Variants in CACHD1 observed in about 807,000 individuals in gnomAD.
The protein encoded by CACHD1 is VWFA and cache domain-containing protein 1.
A neutral mutation model predicts 138.7 loss-of-function variants in CACHD1; 71 were observed. That is an observed-to-expected ratio of 0.51 (90% CI 0.42 to 0.62). The LOEUF (loss-of-function observed/expected upper bound fraction) is 0.62. Ranked by LOEUF, CACHD1 falls within the 20% of genes least tolerant of loss-of-function variation. The pLI is 0.00. For synonymous variants in CACHD1, 578 were observed against 591.5 expected (o/e 0.98, Z 0.33); for missense variants, 1,389 against 1,625.3 (o/e 0.85, Z 2.50).
intron 1 of CACHD1, among the ~76,000 whole-genome samples, chr1:64,488,943 A>G (rs1045032900): frequency 2.6e-5 from 4 of 152,166 alleles, no homozygotes; most frequent in African/African-American, 7.2e-5. Context: ...TGAACATTCT[A>G]CTGGGGGATT....
intron 5 of CACHD1, among the ~76,000 whole-genome samples, 155 bp from the exon 6 acceptor site, chr1:64,632,444 G>A (rs1176419042): frequency 1.3e-5 from 2 of 152,042 alleles, no homozygotes; most frequent in African/African-American, 4.8e-5. Context: ...GCACCAATAT[G>A]GTTTCTCCTT....
chr1:64,489,810 TGG>T (rs1646263675), intron 1 of CACHD1, among the ~76,000 whole-genome samples: 1 of 152,184 alleles, frequency 6.6e-6, no homozygotes, highest in South Asian at 2.1e-4. Flanking sequence ...GGAAGAGTCC[TGG>T]GTGTGTGGGG....
intron 17 of CACHD1, among the ~76,000 whole-genome samples, 190 bp from the exon 18 acceptor site, chr1:64,672,968 C>T (rs570535515): frequency 4.6e-5 from 7 of 152,162 alleles, no homozygotes; most frequent in South Asian, 2.1e-4. Context: ...CTAGGTGACC[C>T]GCAACCTCAA....
At position 64,477,589 on chromosome 1, in the gene CACHD1, T is replaced by TTATTAC. The variant is rs1362174520; in HGVS notation, c.198+6652_198+6653insCTATTA. 2.5e-3 allele frequency among the ~76,000 whole-genome samples: 331 copies of TTATTAC among 131,068 alleles called. 1 individual carries two copies. The highest frequency in any genetic ancestry group is 8.7e-3 in the African/African-American group (293 of 33,492). 86.0% of individuals were successfully genotyped at this position (131,068 alleles called of 152,430 possible). A position where few individuals can be genotyped will look rare whatever the true frequency, so the allele number is the denominator to read the frequency against. ...TCCACTTGCTCTTCCCCCCAGATTA[T>TTATTAC]TATTATTATTATTATTATTATTATT... On this transcript the variant is annotated intron_variant, in intron 1 of 26. Transcript: ENST00000651257.
intron 1 of CACHD1, among the ~76,000 whole-genome samples, chr1:64,530,932 T>G (rs33953467): frequency 2.4e-5 from 2 of 82,728 alleles, no homozygotes; most frequent in African/African-American, 5.5e-5. Context: ...TGTTTTTTTT[T>G]GTTTTTTTTT....
intron 3 of CACHD1, among the ~76,000 whole-genome samples, chr1:64,584,429 T>C (rs527456213): frequency 1.3e-5 from 2 of 152,286 alleles, no homozygotes; most frequent in East Asian, 1.9e-4. Flanking sequence ...GAAACTTGAA[T>C]TGGCTGGCTG....
In CACHD1 at chr1:64,602,881, G is replaced by A. The variant is rs751042895; in HGVS notation, c.486G>A (p.Arg162=). ...GACTTTCTACTACTGTTAATAGCCG[G>A]GCCTTCAATCCAGGACGAGACTTAA... The part of the protein sequence containing the change: ...CDRLSTTVNS[R]AFNPGRDLNS... Residue 162 remains arginine (R), a synonymous_variant, in exon 4 of 27, where the codon CGG becomes CGA. Coordinates refer to ENST00000651257, the MANE Select transcript of CACHD1 (RefSeq NM_020925.4). The A allele has an allele frequency of 6.2e-7, 1 of 1,613,114 alleles. No homozygotes were observed. Among genetic ancestry groups the A allele is most frequent in the South Asian group, 1.1e-5 (1 of 91,014 alleles).
intron 1 of CACHD1, among the ~76,000 whole-genome samples, chr1:64,533,428 G>A (rs1052538916): frequency 1.3e-5 from 2 of 152,108 alleles, no homozygotes; most frequent in Non-Finnish European, 2.9e-5. Flanking sequence ...CAAATACTTG[G>A]GTAACTAGGA....
chr1:64,596,071 C>T (rs1197221916), intron 3 of CACHD1, among the ~76,000 whole-genome samples: 1 of 152,124 alleles, frequency 6.6e-6, no homozygotes, highest in Non-Finnish European at 1.5e-5. Flanking sequence ...TTTTGGTTGG[C>T]CCATCTATTT....
rs1454867780 is a variant in CACHD1 at position 64,681,928 on chromosome 1, C to T, written c.3485-77C>T. ...GAATTCTCCCAGCATGTAAATGAGC[C>T]CTCTCAGAGCAAATGTGTTTGAAAC... On this transcript the variant is annotated intron_variant, in intron 25 of 26. Transcript: ENST00000651257. 4 of 1,216,638 alleles carry T rather than the reference C, an allele frequency of 3.3e-6. No homozygotes were observed. The East Asian group carries it at 7.0e-5, about 21-fold the overall frequency. 75.4% of individuals were successfully genotyped at this position (1,216,638 alleles called of 1,614,324 possible).
At chr1:64,681,446 C>T (rs186098099) in intron 25 of CACHD1, 111 bp downstream of exon 25, 25 of 751,172 alleles carry the variant, frequency 3.3e-5, no homozygotes, top group East Asian at 2.9e-4. Context: ...AGCTTTGACA[C>T]GGTGGCTGGG....
At chr1:64,628,869 G>T (rs1648205307) in intron 4 of CACHD1, among the ~76,000 whole-genome samples, 1 of 152,134 alleles carries the variant, frequency 6.6e-6, no homozygotes, top group South Asian at 2.1e-4. Flanking sequence ...GAATGATTAT[G>T]GCCTGTCTTT....
chr1:64,509,196 T>C (rs1439480331), intron 1 of CACHD1, among the ~76,000 whole-genome samples: 1 of 152,206 alleles, frequency 6.6e-6, no homozygotes. Flanking sequence ...TGCTCATCTC[T>C]TTGAACTGTC....
At chr1:64,557,862 G>C (rs554619935) in intron 2 of CACHD1, among the ~76,000 whole-genome samples, 1 of 151,908 alleles carries the variant, frequency 6.6e-6, no homozygotes, top group African/African-American at 2.4e-5. Context: ...GCAATGCAGC[G>C]ATCTCGGCTA....
At chr1:64,556,883 G>A (rs1646802367) in intron 2 of CACHD1, among the ~76,000 whole-genome samples, 1 of 151,992 alleles carries the variant, frequency 6.6e-6, no homozygotes, top group Non-Finnish European at 1.5e-5. Context: ...TAAGAAATTG[G>A]CAAGGCGGGT....
At chr1:64,537,745 T>C (rs1405395392) in intron 1 of CACHD1, among the ~76,000 whole-genome samples, 1 of 152,208 alleles carries the variant, frequency 6.6e-6, no homozygotes, top group East Asian at 1.9e-4. Flanking sequence ...AGTTACTATT[T>C]ATTGAGCTCT....
At chr1:64,566,484 C>CCCA (rs1553133835) in intron 2 of CACHD1, among the ~76,000 whole-genome samples, 5 of 141,888 alleles carry the variant, frequency 3.5e-5, no homozygotes, top group Non-Finnish European at 8.1e-5. Flanking sequence ...TCAATTCCCC[C>CCCA]CCCCCCACAA....
intron 1 of CACHD1, among the ~76,000 whole-genome samples, chr1:64,498,395 T>A (rs1215270192): frequency 6.6e-6 from 1 of 152,250 alleles, no homozygotes; most frequent in Non-Finnish European, 1.5e-5. Context: ...AGTTTAAAAC[T>A]GTATTTGATT....
At position 64,470,305 on chromosome 1, in the gene CACHD1, G is replaced by T. The variant is rs866411794; in HGVS notation, c.-440G>T. ...CCGCCGCTCCTCTTCCCCGGGGGCC[G>T]CCGTCAGTCCTCGCCGCCGCCTGCT... On this transcript the variant is annotated 5_prime_UTR_variant, in exon 1 of 27. Transcript: ENST00000651257. This position sits in a 1 kb window ranked among gnomAD's most constrained non-coding sequence, Gnocchi z 5.2. Among the ~76,000 whole-genome samples the T allele has an allele frequency of 6.6e-6, 1 of 151,900 alleles. No individual in the cohort carries two copies. Among genetic ancestry groups the T allele is most frequent in the Non-Finnish European group, 1.5e-5 (1 of 67,948 alleles).
Sources: allele counts gnomAD v4.1 joint callset (sites outside exome capture counted in the v4.1 genomes callset), GRCh38; gene constraint gnomAD v4.1.1; non-coding constraint Gnocchi (gnomAD v3.1); transcripts MANE v1.5; gene names NCBI Gene and HGNC (gene_info 2026-07-23, HGNC 2026-07-21).